Variants in GET1 observed in about 807,000 individuals in gnomAD.
GET1 encodes congenital heart disease 5 protein.
GET1 carries 20 observed loss-of-function variants against 22.6 expected under a neutral mutation model. The ratio of observed to expected loss-of-function variants is 0.89; its 90% CI spans 0.62 to 1.29. GET1 has a LOEUF of 1.29. Ranked by LOEUF, GET1 falls within the 50% of genes most tolerant of loss-of-function variation. The pLI is 0.00. For synonymous variants in GET1, 92 were observed against 83.8 expected, an observed-to-expected ratio of 1.10 and a Z score of -0.53; for missense variants, 209 against 219.9, an observed-to-expected ratio of 0.95 and a Z score of 0.31.
At chr21:39,414,734 C>CTGTGTGTGTGTGTGTGTGTG (rs1446676855) in intron 1 of GET1, among the ~76,000 whole-genome samples, 7 of 103,260 alleles carry the variant, frequency 6.8e-5, no homozygotes, top group African/African-American at 2.9e-4. Context: ...CTCTCTCTCT[C>CTGTGTGTGTGTGTGTGTGTG]TCTCTCTCTG....
chr21:39,410,257 G>A (rs779375230), downstream of GET1: 1 of 1,563,126 alleles, frequency 6.4e-7, no homozygotes. Context: ...TTCCAAATTT[G>A]CTGTACCTTA....
chr21:39,389,874 G>A (rs2038179534), intron 1 of GET1, among the ~76,000 whole-genome samples: 1 of 152,126 alleles, frequency 6.6e-6, no homozygotes, highest in South Asian at 2.1e-4. Context: ...GGAGGGGAGA[G>A]GTTACATGTT....
In GET1 at chr21:39,396,761, C is replaced by T. The variant is rs1223474189; in HGVS notation, c.452-105C>T. 5.6e-6 allele frequency: 6 copies of T among 1,065,014 alleles called. No individual in the cohort carries two copies. The East Asian group carries it at 1.2e-4, about 21-fold the overall frequency. The allele number at this position is 1,065,014 out of a possible 1,614,324, so 66.0% of individuals were successfully genotyped here. On this transcript the variant is annotated intron_variant, in intron 4 of 4. Coordinates refer to ENST00000649170, the MANE Select transcript of GET1 (RefSeq NM_004627.6). ...AACTTCACTTCAGCCCAGCACTGCT[C>T]AAAAAGAATGGAAATACTCTCTTTG...
At chr21:39,392,705 C>T (rs1052755162) in intron 3 of GET1, among the ~76,000 whole-genome samples, 15 of 152,240 alleles carry the variant, frequency 9.9e-5, no homozygotes, top group Non-Finnish European at 1.8e-4. Context: ...CACTGGTGTA[C>T]GTGGGAGAAT....
Position 39,397,295 on chromosome 21 carries a change from TTAAG to T in GET1, c.*362_*365del, listed in dbSNP as rs1197251200. The stretch of plus-strand genomic sequence containing the variant: ...GGAAAGTCAAAATTTTCTAACAACT[TTAAG>T]TAAGTTCTTTGAAGACTTAGTGCTG... On this transcript the variant is annotated 3_prime_UTR_variant, in exon 5 of 5. Transcript: ENST00000649170. The T allele has an allele frequency of 5.5e-5, 11 of 198,200 alleles. No homozygotes were observed. Among genetic ancestry groups the T allele is most frequent in the South Asian group, 1.1e-4 (1 of 8,774 alleles). The allele number at this position is 198,200 out of a possible 1,614,324, so 12.3% of individuals were successfully genotyped here.
At position 39,396,912 on chromosome 21, in the gene GET1, C is replaced by T. The variant is rs1230373594; in HGVS notation, c.498C>T (p.Val166=). The T allele has an allele frequency of 1.1e-5, 18 of 1,613,968 alleles. No individual in the cohort carries two copies. Among genetic ancestry groups the T allele is most frequent in the African/African-American group, 6.7e-5 (5 of 74,978 alleles). The change falls in exon 5 of 5, where the codon GTC becomes GTT. Residue 166 remains valine (V), a synonymous_variant. Transcript: ENST00000649170. ...GGATTTTAGTCTGTAACAAAGTTGT[C>T]GCTATTGTGCTTCATCCGTTCAGCT... ...TCWILVCNKV[V]AIVLHPFS is the part of the protein sequence containing the mutation.
intron 1 of GET1, among the ~76,000 whole-genome samples, chr21:39,419,624 C>T (rs528258182): frequency 5.9e-5 from 9 of 151,918 alleles, no homozygotes; most frequent in South Asian, 2.1e-4. Flanking sequence ...GATACTTTTA[C>T]GACGTGGGCC....
At position 39,427,600 on chromosome 21, in the gene GET1, T is replaced by TG. The variant is rs2074975951; in HGVS notation, c.*24-631dup. Among the ~76,000 whole-genome samples the TG allele has an allele frequency of 2.0e-5, 3 of 149,940 alleles. No homozygotes were observed. The Admixed American group carries it at 2.0e-4, about 10-fold the overall frequency. On this transcript the variant is annotated intron_variant, in intron 1 of 1. Transcript: ENST00000478273. ...TGGCGTGAACCCGGGAGGCAGAGCT[T>TG]GCAGTGAGCCGAGATGGCGCCACTG...
chr21:39,406,111 T>C (rs1182886240), exon 5 of GET1: 1 of 1,614,254 alleles, frequency 6.2e-7, no homozygotes, highest in Admixed American at 1.7e-5. Flanking sequence ...GAGACTGCTT[T>C]TCTTATCTCT....
chr21:39,422,879 A>C, intron 1 of GET1: 1 of 1,098,842 alleles, frequency 9.1e-7, no homozygotes, highest in Non-Finnish European at 1.3e-6. Flanking sequence ...AGCAGTTAGT[A>C]ATGCTTTGTT....
downstream of GET1, among the ~76,000 whole-genome samples, chr21:39,401,678 AG>A (rs2038842511): frequency 6.6e-6 from 1 of 152,202 alleles, no homozygotes. Flanking sequence ...CACAAATTGA[AG>A]GTCTGTGGCA....
intron 1 of GET1, chr21:39,427,980 G>A (rs2075061560): frequency 4.2e-6 from 2 of 473,860 alleles, no homozygotes; most frequent in Admixed American, 7.8e-5. Flanking sequence ...TACATGTGAA[G>A]CCTTTCTGTT....
chr21:39,389,554 G>C (rs2038157987), intron 1 of GET1, among the ~76,000 whole-genome samples: 1 of 152,078 alleles, frequency 6.6e-6, no homozygotes, highest in Non-Finnish European at 1.5e-5. Flanking sequence ...GGTGTCCACC[G>C]CCCACTGTTA....
chr21:39,416,348 AT>A (rs1486554150), intron 1 of GET1, among the ~76,000 whole-genome samples: 1 of 152,222 alleles, frequency 6.6e-6, no homozygotes, highest in East Asian at 1.9e-4. Flanking sequence ...ATCCTCAAAT[AT>A]CCCCATCTTT....
downstream of GET1, among the ~76,000 whole-genome samples, chr21:39,400,814 A>C (rs148016074): frequency 5.9e-5 from 9 of 152,184 alleles, no homozygotes; most frequent in Non-Finnish European, 1.3e-4. Context: ...CATAAATAGC[A>C]TGAATATTGT....
At chr21:39,401,243 C>G (rs1017066035), downstream of GET1, among the ~76,000 whole-genome samples, 37 of 152,176 alleles carry the variant, frequency 2.4e-4, no homozygotes, top group African/African-American at 8.7e-4. Flanking sequence ...GAGACGGGGT[C>G]TTGCTATGTT....
chr21:39,415,461 C>T (rs1455667671), intron 1 of GET1, among the ~76,000 whole-genome samples: 1 of 152,178 alleles, frequency 6.6e-6, no homozygotes, highest in South Asian at 2.1e-4. Context: ...TGCTGTTTCC[C>T]ACTCTCTCTG....
At chr21:39,423,604 A>G (rs2074113135) in intron 1 of GET1, 3 of 858,076 alleles carry the variant, frequency 3.5e-6, no homozygotes, top group South Asian at 2.3e-5. Flanking sequence ...ACACATACAC[A>G]CAAGCGTAAG....
chr21:39,394,099 G>C (rs1177440084), intron 4 of GET1, among the ~76,000 whole-genome samples: 1 of 152,130 alleles, frequency 6.6e-6, no homozygotes, highest in Non-Finnish European at 1.5e-5. Context: ...GGAGGCCAAG[G>C]TGGGCGGATT....
Sources: allele counts gnomAD v4.1 joint callset (sites outside exome capture counted in the v4.1 genomes callset), GRCh38; gene constraint gnomAD v4.1.1; transcripts MANE v1.5; gene names NCBI Gene and HGNC (gene_info 2026-07-23, HGNC 2026-07-21).